The following TSC22D1 variants were observed in gnomAD, a reference collection of about 807,000 sequenced individuals.
TSC22D1 encodes TSC22 domain family member 1, also known as TSC22 domain family protein 1.
Under a neutral mutation model 74.2 loss-of-function variants are expected in TSC22D1, and 9 were observed. That is an observed-to-expected ratio of 0.12 (90% CI 0.07 to 0.21). The LOEUF (loss-of-function observed/expected upper bound fraction) is 0.21, where lower values mean the gene tolerates loss of function less well. Ranked by LOEUF, TSC22D1 falls within the 10% of genes least tolerant of loss-of-function variation. The pLI, the probability that TSC22D1 is intolerant of heterozygous loss-of-function variation, is 1.00. For missense variants in TSC22D1, 1,427 were observed against 1,304.7 expected, an observed-to-expected ratio of 1.09 and a Z score of -1.44; for synonymous variants, 586 against 492.5, an observed-to-expected ratio of 1.19 and a Z score of -2.51.
In TSC22D1 at chr13:44,576,163, G is replaced by A; in HGVS notation, c.-89C>T. On this transcript the variant is annotated 5_prime_UTR_variant, in exon 1 of 3. Transcript: ENST00000458659. ...ATTGGAGACGCCGGAGAGGAAAACG[G>A]GACCTGACGCTCCGCCTGGCGCGAT... 1 of 1,373,214 alleles carries A rather than the reference G, an allele frequency of 7.3e-7. No individual in the cohort carries two copies. The highest frequency in any genetic ancestry group is 9.4e-7 in the Non-Finnish European group (1 of 1,061,916). The allele number at this position is 1,373,214 out of a possible 1,614,324, so 85.1% of individuals were successfully genotyped here.
chr13:44,444,881 G>A (rs573093859), intron 1 of TSC22D1, among the ~76,000 whole-genome samples: 1 of 152,032 alleles, frequency 6.6e-6, no homozygotes, highest in African/African-American at 2.4e-5. Context: ...CAGATAACTT[G>A]AATAGTCCTG....
chr13:44,489,193 A>T (rs1878586929), intron 1 of TSC22D1, among the ~76,000 whole-genome samples: 1 of 129,632 alleles, frequency 7.7e-6, no homozygotes, highest in South Asian at 2.8e-4. Flanking sequence ...TTTGAGCCTT[A>T]CCTCATTTCA....
intron 1 of TSC22D1, among the ~76,000 whole-genome samples, chr13:44,568,298 G>A (rs186072758): frequency 6.6e-6 from 1 of 152,236 alleles, no homozygotes; most frequent in Admixed American, 6.5e-5. Flanking sequence ...AGGTCAGTGG[G>A]ATATAACACT....
At position 44,576,038 on chromosome 13, in the gene TSC22D1, C is replaced by G; in HGVS notation, c.37G>C (p.Ala13Pro). ...QPPESTAAAAAAADISARKMA... is the reference protein window; with the variant it reads ...QPPESTAAAAPAADISARKMA... ...TTCCTAGCGCTAATGTCTGCAGCGG[C>G]GGCGGCCGCGGCGGTGGACTCAGGC... The change falls in exon 1 of 3, where the codon GCC (alanine) becomes CCC (proline). Residue 13 changes from alanine to proline, a missense_variant. Transcript: ENST00000458659. 2 of 1,571,376 alleles carry G rather than the reference C, an allele frequency of 1.3e-6. No homozygotes were observed. Among genetic ancestry groups the G allele is most frequent in the Non-Finnish European group, 1.7e-6 (2 of 1,159,970 alleles).
chr13:44,551,389 G>GGGGGGT (rs1555272493), intron 1 of TSC22D1, among the ~76,000 whole-genome samples: 1 of 125,252 alleles, frequency 8.0e-6, no homozygotes, highest in Non-Finnish European at 1.7e-5. Context: ...CAATCAGATG[G>GGGGGGT]GTGTGTGTGT....
At chr13:44,517,238 A>G (rs1360912076) in intron 1 of TSC22D1, among the ~76,000 whole-genome samples, 1 of 152,128 alleles carries the variant, frequency 6.6e-6, no homozygotes, top group Non-Finnish European at 1.5e-5. Flanking sequence ...TTACAAACTA[A>G]TATTTATTTT....
At chr13:44,549,520 C>T (rs1882063452) in intron 1 of TSC22D1, among the ~76,000 whole-genome samples, 1 of 152,034 alleles carries the variant, frequency 6.6e-6, no homozygotes, top group Admixed American at 6.6e-5. Context: ...GGCCTGTAAT[C>T]CCAACACATT....
intron 1 of TSC22D1, among the ~76,000 whole-genome samples, chr13:44,561,194 C>A (rs1266873484): frequency 6.6e-6 from 1 of 152,134 alleles, no homozygotes; most frequent in Admixed American, 6.5e-5. Flanking sequence ...TGGGTCCTAA[C>A]CTCCTTACTT....
At chr13:44,466,487 G>A (rs937052499) in intron 1 of TSC22D1, among the ~76,000 whole-genome samples, 1 of 152,184 alleles carries the variant, frequency 6.6e-6, no homozygotes, top group African/African-American at 2.4e-5. Context: ...CAGATTCCTT[G>A]GCCGGGCATA....
intron 1 of TSC22D1, among the ~76,000 whole-genome samples, chr13:44,526,053 G>A (rs1221278045): frequency 6.6e-6 from 1 of 152,198 alleles, no homozygotes; most frequent in Non-Finnish European, 1.5e-5. Context: ...AGTTAGCCAA[G>A]ACTGTGCCAC....
chr13:44,550,891 A>G (rs1882191602), intron 1 of TSC22D1, among the ~76,000 whole-genome samples: 1 of 151,460 alleles, frequency 6.6e-6, no homozygotes, highest in South Asian at 2.1e-4. Context: ...GCAATGAGCT[A>G]TGACTGCCAC....
chr13:44,538,040 C>CA (rs1254305876), intron 1 of TSC22D1: 2 of 985,124 alleles, frequency 2.0e-6, no homozygotes, highest in African/African-American at 3.5e-5. Context: ...ATAACTACTT[C>CA]AATCAATTAA....
rs920163590 is a variant in TSC22D1 at position 44,573,529 on chromosome 13, G to A, written c.2546C>T (p.Thr849Ile). Residue 849 changes from threonine to isoleucine, a missense_variant, in exon 1 of 3, where the codon ACA becomes ATA. Thr to Ile is a moderately conservative substitution (Grantham distance 89). Around this residue, in one of 3 missense-constraint regions of TSC22D1, gnomAD observed 1,343 missense variants for 1,191.5 expected, o/e 1.13. Coordinates refer to ENST00000458659, the MANE Select transcript of TSC22D1 (RefSeq NM_183422.4). ...TGPSGMPSAP[T>I]NLVPPQNIAQ... ...TATATTTTGTGGTGGAACCAAGTTT[G>A]TTGGGGCAGAAGGCATTCCAGAAGG... The A allele has an allele frequency of 1.2e-6, 2 of 1,614,264 alleles. No individual in the cohort carries two copies. Among genetic ancestry groups the A allele is most frequent in the Admixed American group, 1.7e-5 (1 of 60,036 alleles).
At chr13:44,452,095 AGAG>A (rs1441519590) in intron 1 of TSC22D1, among the ~76,000 whole-genome samples, 2 of 152,228 alleles carry the variant, frequency 1.3e-5, no homozygotes, top group South Asian at 2.1e-4. Context: ...ACTTGACAGA[AGAG>A]GAGAACTTTG....
intron 1 of TSC22D1, among the ~76,000 whole-genome samples, chr13:44,514,035 T>C (rs1194831799): frequency 6.6e-6 from 1 of 152,044 alleles, no homozygotes; most frequent in African/African-American, 2.4e-5. Context: ...GAATAGAAAA[T>C]GTTACCTTTT....
At chr13:44,484,117 A>G (rs191411990) in intron 1 of TSC22D1, among the ~76,000 whole-genome samples, 25 of 152,350 alleles carry the variant, frequency 1.6e-4, no homozygotes, top group Admixed American at 1.2e-3. Context: ...CTAACAAATA[A>G]AACAGACATA....
chr13:44,488,967 T>C (rs780758252), intron 1 of TSC22D1, among the ~76,000 whole-genome samples: 4 of 151,702 alleles, frequency 2.6e-5, no homozygotes, highest in African/African-American at 7.2e-5. Context: ...GACCCCACAA[T>C]AGCCATGGCA....
Position 44,504,783 on chromosome 13 carries a change from A to C in TSC22D1, c.2912+68380T>G, listed in dbSNP as rs184412613. Among the ~76,000 whole-genome samples, 226 of 152,332 alleles carry C rather than the reference A, an allele frequency of 1.5e-3. 1 individual carries two copies. The highest frequency in any genetic ancestry group is 5.2e-3 in the African/African-American group (218 of 41,578). On this transcript the variant is annotated intron_variant, in intron 1 of 2. Transcript: ENST00000458659. Reference sequence around the variant, plus strand: ...AATCTACAATGCATTAAAGTTTCACATATCAACATCAACAGCAAATTTTAA... The same window carrying C: ...AATCTACAATGCATTAAAGTTTCACCTATCAACATCAACAGCAAATTTTAA...
chr13:44,575,412 ATGGAGGTGG>A lies in TSC22D1; in HGVS notation c.654_662del (p.Leu220_His222del), dbSNP rs750435271. On this transcript the variant is annotated inframe_deletion, in exon 1 of 3. Transcript: ENST00000458659. ...GCCCATGATGAATCTGATGGTGGTG[ATGGAGGTGG>A]TGTGGATGAGCATTCCCATTGATCA... The A allele has an allele frequency of 6.2e-7, 1 of 1,613,898 alleles. No individual in the cohort carries two copies. Among genetic ancestry groups the A allele is most frequent in the Non-Finnish European group, 8.5e-7 (1 of 1,179,896 alleles).
Sources: gnomAD v4.1 joint callset for allele counts (sites outside exome capture counted in the v4.1 genomes callset) on GRCh38, gnomAD v4.1.1 for gene constraint, gnomAD v4.1.1 regional missense constraint, MANE v1.5 for transcripts, NCBI Gene and HGNC (gene_info 2026-07-23, HGNC 2026-07-21) for gene names.